VPS13C: variants seen among roughly 807,000 people sequenced by gnomAD.
The protein encoded by VPS13C is intermembrane lipid transfer protein VPS13C.
Under a neutral mutation model 456.8 loss-of-function variants are expected in VPS13C, and 358 were observed. The observed-to-expected ratio is 0.78, with a 90% CI of 0.72 to 0.86. The LOEUF is 0.86. Ranked by LOEUF, VPS13C falls within the 40% of genes least tolerant of loss-of-function variation. VPS13C has a pLI of 0.00. For missense variants in VPS13C, 4,818 were observed against 4,385.4 expected (o/e 1.10, Z -2.79); for synonymous variants, 1,578 against 1,486.7 (o/e 1.06, Z -1.41).
At chr15:62,057,397 G>A (rs1012050006) in intron 1 of VPS13C, among the ~76,000 whole-genome samples, 6 of 152,092 alleles carry the variant, frequency 3.9e-5, no homozygotes, top group Non-Finnish European at 8.8e-5. Flanking sequence ...AATTTCTTTA[G>A]CAATATTTTG....
chr15:61,884,360 T>C, intron 67 of VPS13C, 91 bp from the exon 68 acceptor site: 3 of 1,361,736 alleles, frequency 2.2e-6, no homozygotes, highest in Non-Finnish European at 3.0e-6. Flanking sequence ...ACTATTATTT[T>C]CCTATGAAAA....
At chr15:61,953,726 T>C (rs1161153372) in intron 38 of VPS13C, among the ~76,000 whole-genome samples, 1 of 152,160 alleles carries the variant, frequency 6.6e-6, no homozygotes, top group Non-Finnish European at 1.5e-5. Context: ...TATAGCAGCA[T>C]GATTTATAGT....
Position 62,060,259 on chromosome 15 carries a change from G to A in VPS13C, c.100+16C>T, listed in dbSNP as rs2048956760. ...CCTCAGCGCCCGCAGCCCACTGGCC[G>A]CGCCCTCTCGCTTACCGCCCCAGAT... On this transcript the variant is annotated intron_variant, in intron 1 of 84. Transcript: ENST00000644861. The A allele has an allele frequency of 5.1e-6, 8 of 1,557,478 alleles. No homozygotes were observed. The highest frequency in any genetic ancestry group is 1.1e-5 in the South Asian group (1 of 88,086).
At chr15:61,902,559 C>T (rs924070640) in intron 66 of VPS13C, among the ~76,000 whole-genome samples, 3 of 149,192 alleles carry the variant, frequency 2.0e-5, no homozygotes, top group Admixed American at 1.3e-4. Flanking sequence ...AGCAAATTAA[C>T]ATGACACATG....
chr15:61,996,998 C>CACATATATAT (rs2046407917), intron 16 of VPS13C, among the ~76,000 whole-genome samples: 1 of 145,538 alleles, frequency 6.9e-6, no homozygotes, highest in African/African-American at 2.6e-5. Flanking sequence ...TACATACATA[C>CACATATATAT]ATATATATAT....
intron 82 of VPS13C, among the ~76,000 whole-genome samples, chr15:61,860,250 A>G (rs551117295): frequency 7.9e-4 from 120 of 152,290 alleles, no homozygotes; most frequent in African/African-American, 2.6e-3. Flanking sequence ...CTCAACAGTA[A>G]TCAAAGAAAT....
In VPS13C at chr15:62,034,566, A is replaced by C. The variant is rs2047921267; in HGVS notation, c.283+391T>G. The stretch of plus-strand genomic sequence containing the variant: ...CATTCACTCAAAATCAGAAGCAACA[A>C]AATAGGAAAAAAAATAAATTTTTCA... On this transcript the variant is annotated intron_variant, in intron 4 of 84. Coordinates refer to ENST00000644861, the MANE Select transcript of VPS13C (RefSeq NM_020821.3). 1.3e-5 allele frequency among the ~76,000 whole-genome samples: 2 copies of C among 151,718 alleles called. 1 individual carries two copies. Among genetic ancestry groups the C allele is most frequent in the South Asian group, 4.1e-4 (2 of 4,828 alleles).
chr15:61,971,912 C>T (rs2045567154), intron 27 of VPS13C, among the ~76,000 whole-genome samples: 1 of 152,114 alleles, frequency 6.6e-6, no homozygotes, highest in Non-Finnish European at 1.5e-5. Context: ...CACTATGGCA[C>T]ATGAAACAGT....
intron 66 of VPS13C, among the ~76,000 whole-genome samples, chr15:61,900,111 T>C (rs1226132788): frequency 6.6e-6 from 1 of 152,046 alleles, no homozygotes; most frequent in Non-Finnish European, 1.5e-5. Context: ...TGGGACGTAT[T>C]TCAAAATAAT....
chr15:61,896,018 T>C (rs892114979), intron 66 of VPS13C, among the ~76,000 whole-genome samples: 1 of 152,340 alleles, frequency 6.6e-6, no homozygotes, highest in Middle Eastern at 3.4e-3. Flanking sequence ...TTAACTACCC[T>C]GATCTAATCA....
chr15:62,037,211 ATATAT>A lies in VPS13C; in HGVS notation c.188-2164_188-2160del, dbSNP rs1456866359. Among the ~76,000 whole-genome samples, 13 of 102,740 alleles carry A rather than the reference ATATAT, an allele frequency of 1.3e-4. No individual in the cohort carries two copies. The East Asian group carries it at 2.9e-3, about 23-fold the overall frequency. 67.4% of individuals were successfully genotyped at this position (102,740 alleles called of 152,430 possible). A position where few individuals can be genotyped will look rare whatever the true frequency, so the allele number is the denominator to read the frequency against. ...TAAATATAATAAATATAATATATAA[ATATAT>A]TATATAATATATTATATATAAATAT... On this transcript the variant is annotated intron_variant, in intron 3 of 84. Transcript: ENST00000644861.
At chr15:61,913,725 G>A (rs2043373212) in intron 61 of VPS13C, among the ~76,000 whole-genome samples, 1 of 152,124 alleles carries the variant, frequency 6.6e-6, no homozygotes, top group African/African-American at 2.4e-5. Flanking sequence ...GCAAAACGAT[G>A]TTTTCCAGTG....
rs923033131 is a variant in VPS13C, at chr15:61,984,973, C to G, written c.1605G>C (p.Lys535Asn). Residue 535 changes from lysine (K) to asparagine (N), a missense_variant, in exon 19 of 85, where the codon AAG becomes AAC. Lys to Asn is a moderately conservative substitution (Grantham distance 94). Coordinates refer to ENST00000644861, the MANE Select transcript of VPS13C (RefSeq NM_020821.3). ...TTATCGTAACAGAGGTGCTTACTAA[C>G]TTCAGGGTCATAATATGGGCAACAT... ...KQYVAHIMTL[K>N]LVSTSVTIRE... 1 of 1,591,300 alleles carries G rather than the reference C, an allele frequency of 6.3e-7. No homozygotes were observed. Among genetic ancestry groups the G allele is most frequent in the African/African-American group, 1.4e-5 (1 of 73,616 alleles).
intron 16 of VPS13C, among the ~76,000 whole-genome samples, chr15:61,997,084 A>G (rs1271438983): frequency 6.6e-6 from 1 of 151,994 alleles, no homozygotes; most frequent in Non-Finnish European, 1.5e-5. Context: ...AATTGGTGCC[A>G]AAAAATTACT....
chr15:61,999,893 CA>C (rs2046543432), intron 16 of VPS13C, among the ~76,000 whole-genome samples: 1 of 49,368 alleles, frequency 2.0e-5, no homozygotes, highest in Non-Finnish European at 4.3e-5. Flanking sequence ...GAAGAGGAAA[CA>C]AAGAAAAAGT....
Position 61,941,827 on chromosome 15 carries a change from G to T in VPS13C, c.5389C>A (p.His1797Asn). The part of the protein sequence containing the change: ...ENKFSLVPME[H>N]YSLPPVIDKM... ...TCAATGACTGGAGGAAGAGAATAAT[G>T]TTCCATAGGAACCAAGCTAAACTTG... Residue 1797 changes from histidine (H) to asparagine (N), a missense_variant, in exon 46 of 85, where the codon CAT (histidine) becomes AAT (asparagine). By Grantham distance (68) the His-to-Asn change is moderately conservative. Around this residue, in one of 3 missense-constraint regions of VPS13C, gnomAD observed 4,552 missense variants for 4,130.6 expected, o/e 1.10. Transcript: ENST00000644861. 6.2e-7 allele frequency: 1 copy of T among 1,613,904 alleles called. No homozygotes were observed. Among genetic ancestry groups the T allele is most frequent in the South Asian group, 1.1e-5 (1 of 91,054 alleles).
At chr15:61,956,934 C>G (rs1345117646) in intron 37 of VPS13C, among the ~76,000 whole-genome samples, 1 of 151,992 alleles carries the variant, frequency 6.6e-6, no homozygotes, top group African/African-American at 2.4e-5. Context: ...TCACATATGA[C>G]CCAGTAATTC....
chr15:61,972,798 A>C, intron 26 of VPS13C, 34 bp from the exon 27 acceptor site: 3 of 1,572,690 alleles, frequency 1.9e-6, no homozygotes, highest in Non-Finnish European at 2.6e-6. Context: ...GATCTGAGAC[A>C]ATGTACATTG....
intron 45 of VPS13C, among the ~76,000 whole-genome samples, chr15:61,944,528 G>A (rs755316794): frequency 6.6e-5 from 10 of 152,050 alleles, no homozygotes; most frequent in South Asian, 2.1e-4. Flanking sequence ...GCAAATTAAC[G>A]CACGAACAGA....
Sources: allele counts gnomAD v4.1 joint callset (sites outside exome capture counted in the v4.1 genomes callset), GRCh38; gene constraint gnomAD v4.1.1; regional missense constraint gnomAD v4.1.1; transcripts MANE v1.5; gene names NCBI Gene and HGNC (gene_info 2026-07-23, HGNC 2026-07-21).